UBE2E1: variants seen among roughly 807,000 people sequenced by gnomAD.
The protein encoded by UBE2E1 is ubiquitin-conjugating enzyme E2 E1.
A neutral mutation model predicts 21.4 loss-of-function variants in UBE2E1; 6 were observed. The observed-to-expected ratio is 0.28, with a 90% CI of 0.15 to 0.55. The LOEUF is 0.55. UBE2E1 is among the 20% of genes least tolerant of loss of function. UBE2E1 has a pLI of 0.93. For synonymous variants in UBE2E1, 87 were observed against 82.7 expected (o/e 1.05, Z -0.28); for missense variants, 142 against 236.5 (o/e 0.60, Z 2.62).
chr3:23,829,189 C>T (rs927865380), intron 3 of UBE2E1, among the ~76,000 whole-genome samples: 1 of 145,024 alleles, frequency 6.9e-6, no homozygotes, highest in Non-Finnish European at 1.5e-5. Context: ...AAGAGAGGGC[C>T]TCGCTTTGTT....
intron 3 of UBE2E1, among the ~76,000 whole-genome samples, chr3:23,858,410 C>G (rs1237685236): frequency 6.6e-6 from 1 of 152,144 alleles, no homozygotes; most frequent in African/African-American, 2.4e-5. Flanking sequence ...ACCTCTGCCT[C>G]CTGGGTTCAA....
At chr3:23,817,937 A>G (rs774462180) in intron 3 of UBE2E1, among the ~76,000 whole-genome samples, 2 of 152,228 alleles carry the variant, frequency 1.3e-5, no homozygotes, top group East Asian at 3.8e-4. Context: ...AGAGTTGGCT[A>G]TCTGGATAGA....
chr3:23,811,802 T>C (rs4858547), intron 3 of UBE2E1, among the ~76,000 whole-genome samples: 50,256 of 152,062 alleles, frequency 0.33, 8,687 homozygotes, highest in African/African-American at 0.45. Flanking sequence ...GGGTCTTTGA[T>C]ATGCCATTAA....
chr3:23,882,473 G>A (rs932476302), intron 3 of UBE2E1, among the ~76,000 whole-genome samples: 1 of 152,264 alleles, frequency 6.6e-6, no homozygotes, highest in Non-Finnish European at 1.5e-5. Flanking sequence ...GCTTTGCCTA[G>A]TGGATCCTGT....
intron 4 of UBE2E1, 44 bp from the exon 5 acceptor site, chr3:23,889,068 G>T: frequency 6.5e-7 from 1 of 1,550,276 alleles, no homozygotes; most frequent in Non-Finnish European, 8.7e-7. Context: ...TTAGTAACAA[G>T]TTTGTTTGCT....
rs145716812 is a variant in UBE2E1 at position 23,865,466 on chromosome 3, C to T, written c.204-22101C>T. On this transcript the variant is annotated intron_variant, in intron 3 of 5. Coordinates refer to ENST00000306627, the MANE Select transcript of UBE2E1 (RefSeq NM_003341.5). ...CTTCCTAGGGCTCAGGTGATCCTCC[C>T]GCCTTAGCCTCCCGAGTAACTGCGA... Among the ~76,000 whole-genome samples the T allele has an allele frequency of 6.4e-3, 967 of 152,266 alleles. 3 individuals carry two copies. Among genetic ancestry groups the T allele is most frequent in the Non-Finnish European group, 0.011 (740 of 68,006 alleles).
chr3:23,874,039 G>T (rs903076150), intron 3 of UBE2E1, among the ~76,000 whole-genome samples: 1 of 152,228 alleles, frequency 6.6e-6, no homozygotes, highest in Non-Finnish European at 1.5e-5. Flanking sequence ...CTCTGTACTT[G>T]TGTCACTTCC....
chr3:23,810,629 C>G lies in UBE2E1; in HGVS notation c.153-831C>G, dbSNP rs1699366707. The G allele has an allele frequency of 8.6e-7, 1 of 1,160,424 alleles. No individual in the cohort carries two copies. Among genetic ancestry groups the G allele is most frequent in the Non-Finnish European group, 1.2e-6 (1 of 854,138 alleles). 71.9% of individuals were successfully genotyped at this position (1,160,424 alleles called of 1,614,324 possible). Reference sequence around the variant, plus strand: ...GGCCGGCCACTTGGGGTCTGTGGTGCCCGAGTGGCGGGCGGGGGTGTTCGC... The same window carrying G: ...GGCCGGCCACTTGGGGTCTGTGGTGGCCGAGTGGCGGGCGGGGGTGTTCGC... On this transcript the variant is annotated intron_variant, in intron 2 of 5. Transcript: ENST00000306627. The surrounding 1 kb of genome is among the most constrained non-coding windows in gnomAD (Gnocchi z 5.8).
intron 3 of UBE2E1, among the ~76,000 whole-genome samples, chr3:23,827,887 T>C (rs1482746467): frequency 2.6e-5 from 4 of 152,132 alleles, no homozygotes; most frequent in African/African-American, 7.2e-5. Flanking sequence ...TACAACCTGA[T>C]CCCAGCTTTT....
intron 3 of UBE2E1, chr3:23,878,835 C>T (rs1046582890): frequency 2.4e-5 from 7 of 294,276 alleles, no homozygotes; most frequent in South Asian, 2.1e-4. Flanking sequence ...TTATTTCATT[C>T]TATATCACAA....
chr3:23,807,401 C>G lies in UBE2E1; in HGVS notation c.132C>G (p.Leu44=). Residue 44 remains leucine (L), a synonymous_variant, in exon 2 of 6, where the codon CTC becomes CTG. Coordinates refer to ENST00000306627, the MANE Select transcript of UBE2E1 (RefSeq NM_003341.5). ...TCAGCATGAGCAAAAACTCCAAACT[C>G]CTCTCCACCAGCGCCAAGAGGTACT... ...SKVSMSKNSK[L]LSTSAKRIQK... is the part of the protein sequence containing the mutation. 1 of 1,613,156 alleles carries G rather than the reference C, an allele frequency of 6.2e-7. No individual in the cohort carries two copies. Among genetic ancestry groups the G allele is most frequent in the Non-Finnish European group, 8.5e-7 (1 of 1,179,680 alleles).
chr3:23,862,508 A>G (rs775276190), intron 3 of UBE2E1, among the ~76,000 whole-genome samples: 6 of 152,222 alleles, frequency 3.9e-5, no homozygotes, highest in Admixed American at 1.3e-4. Context: ...GCAGTGTGCA[A>G]TGAACTATAT....
intron 3 of UBE2E1, among the ~76,000 whole-genome samples, chr3:23,819,229 A>G (rs949384605): frequency 2.0e-5 from 3 of 152,206 alleles, no homozygotes; most frequent in Non-Finnish European, 4.4e-5. Flanking sequence ...GGTTGCAGTG[A>G]ACCAAGATTG....
chr3:23,882,724 T>A (rs1701079371), intron 3 of UBE2E1, among the ~76,000 whole-genome samples: 1 of 152,222 alleles, frequency 6.6e-6, no homozygotes, highest in African/African-American at 2.4e-5. Context: ...AGCCTGTTGC[T>A]GGCAGGCTGG....
intron 3 of UBE2E1, among the ~76,000 whole-genome samples, chr3:23,825,510 A>G (rs1014151711): frequency 1.4e-4 from 21 of 152,234 alleles, no homozygotes; most frequent in African/African-American, 5.1e-4. Context: ...GGGAGGTACA[A>G]TAAAAGAAAC....
At chr3:23,871,781 C>A (rs1419113006) in intron 3 of UBE2E1, among the ~76,000 whole-genome samples, 3 of 151,348 alleles carry the variant, frequency 2.0e-5, no homozygotes, top group Non-Finnish European at 4.4e-5. Context: ...GATGGGCGGC[C>A]GGGCAGAGAC....
At chr3:23,872,302 C>T (rs1361054076) in intron 3 of UBE2E1, among the ~76,000 whole-genome samples, 2 of 150,326 alleles carry the variant, frequency 1.3e-5, no homozygotes, top group Non-Finnish European at 2.9e-5. Context: ...AGGGAGGTTG[C>T]AGTGAGCCGA....
chr3:23,880,735 CA>C (rs1701018947), intron 3 of UBE2E1, among the ~76,000 whole-genome samples: 1 of 152,106 alleles, frequency 6.6e-6, no homozygotes, highest in Non-Finnish European at 1.5e-5. Flanking sequence ...CTCACAAAAA[CA>C]TGATTTTAAA....
intron 3 of UBE2E1, among the ~76,000 whole-genome samples, chr3:23,878,768 G>T (rs1700974353): frequency 6.6e-6 from 1 of 152,232 alleles, no homozygotes; most frequent in Non-Finnish European, 1.5e-5. Flanking sequence ...CTGTCTAGTT[G>T]CAGGAAAACA....
Sources: gnomAD v4.1 joint callset for allele counts (sites outside exome capture counted in the v4.1 genomes callset) on GRCh38, gnomAD v4.1.1 for gene constraint, Gnocchi (gnomAD v3.1) non-coding constraint, MANE v1.5 for transcripts, NCBI Gene and HGNC (gene_info 2026-07-23, HGNC 2026-07-21) for gene names.